The following THAP9 variants were observed in gnomAD, a reference collection of about 807,000 sequenced individuals.
THAP9 encodes the protein THAP domain containing 9.
A neutral mutation model predicts 35.7 loss-of-function variants in THAP9; 20 were observed. The ratio of observed to expected loss-of-function variants is 0.56; its 90% CI spans 0.39 to 0.81. The LOEUF is 0.81. Ranked by LOEUF, THAP9 falls within the 40% of genes least tolerant of loss-of-function variation. The probability of loss-of-function intolerance (pLI) is 0.00; values close to 1 mark genes in which losing one functional copy is unlikely to be tolerated. For missense variants in THAP9, 870 were observed against 1,047.4 expected, an observed-to-expected ratio of 0.83 and a Z score of 2.34; for synonymous variants, 335 against 373.7, an observed-to-expected ratio of 0.90 and a Z score of 1.19.
chr4:82,905,072 AT>A (rs1029242516), intron 2 of THAP9, 141 bp downstream of exon 2: 72 of 656,142 alleles, frequency 1.1e-4, no homozygotes, highest in African/African-American at 8.9e-4. Context: ...TGCTTTGAAA[AT>A]TTAAAAAAAA....
intron 1 of THAP9, among the ~76,000 whole-genome samples, chr4:82,903,959 A>G (rs1189273239): frequency 1.3e-5 from 2 of 151,610 alleles, no homozygotes; most frequent in Non-Finnish European, 2.9e-5. Flanking sequence ...TTTATGACGT[A>G]GTCTGTGGTC....
At chr4:82,910,915 C>G (rs1308369962) in intron 4 of THAP9, 4 of 217,606 alleles carry the variant, frequency 1.8e-5, no homozygotes, top group Non-Finnish European at 4.0e-5. Context: ...GTAAACCTGG[C>G]TGGAGTGGGA....
In THAP9 at chr4:82,900,743, A is replaced by C; in HGVS notation, c.-60A>C. On this transcript the variant is annotated 5_prime_UTR_variant, in exon 1 of 5. Coordinates refer to ENST00000302236, the MANE Select transcript of THAP9 (RefSeq NM_024672.6). ...CCGCAGAGTCAACGGGCGGAGCTAA[A>C]GTGGTCGTGATTCATGCTGTCGCGG... The C allele has an allele frequency of 1.2e-5, 19 of 1,578,914 alleles. No homozygotes were observed. The highest frequency in any genetic ancestry group is 1.6e-5 in the Non-Finnish European group (18 of 1,149,042).
chr4:82,901,107 G>C (rs1358726864), intron 1 of THAP9: 1 of 699,280 alleles, frequency 1.4e-6, no homozygotes, highest in Non-Finnish European at 2.6e-6. Context: ...TTCTCGCACC[G>C]CCTACCGCTT....
At position 82,917,426 on chromosome 4, in the gene THAP9, C is replaced by T; in HGVS notation, c.1214C>T (p.Ser405Phe). 1.2e-6 allele frequency: 2 copies of T among 1,614,024 alleles called. No individual in the cohort carries two copies. Among genetic ancestry groups the T allele is most frequent in the Non-Finnish European group, 1.7e-6 (2 of 1,179,964 alleles). Residue 405 changes from serine to phenylalanine, a missense_variant, in exon 5 of 5, where the codon TCT (serine) becomes TTT (phenylalanine). Physicochemically the swap from Ser to Phe is radical, Grantham distance 155. This residue lies in a region of THAP9 where 440 missense variants were observed against 501.2 expected (regional missense o/e 0.88). Coordinates refer to ENST00000302236, the MANE Select transcript of THAP9 (RefSeq NM_024672.6). ...MKCTFQHPSS[S>F]SQQIAYFFDS... The stretch of plus-strand genomic sequence containing the variant: ...TGTACATTTCAGCATCCTTCATCTT[C>T]TAGTCAACAGATTGCATACTTCTTT...
At chr4:82,902,925 C>T (rs185047892) in intron 1 of THAP9, among the ~76,000 whole-genome samples, 5 of 152,296 alleles carry the variant, frequency 3.3e-5, no homozygotes, top group African/African-American at 1.2e-4. Context: ...TGTCTAATAC[C>T]ATATAGCTGG....
intron 4 of THAP9, among the ~76,000 whole-genome samples, chr4:82,912,471 AT>A (rs1325955785): frequency 2.0e-5 from 3 of 152,226 alleles, no homozygotes; most frequent in Non-Finnish European, 4.4e-5. Flanking sequence ...CCCAGGCAGA[AT>A]TTTAGGCCAC....
In THAP9 at chr4:82,901,710, A is replaced by AT. The variant is rs34317153; in HGVS notation, c.80+843dup. ...GGTAGGCTATGTATAAAATTCATTG[A>AT]TTTTTTTTTTTTTTTGTTTTCTATT... On this transcript the variant is annotated intron_variant, in intron 1 of 4. Transcript: ENST00000302236. Among the ~76,000 whole-genome samples, 1,215 of 149,040 alleles carry AT rather than the reference A, an allele frequency of 8.2e-3. 15 individuals carry two copies. Among genetic ancestry groups the AT allele is most frequent in the African/African-American group, 0.028 (1,169 of 41,032 alleles).
In THAP9 at chr4:82,908,025, C is replaced by G. The variant is rs1578448287; in HGVS notation, c.731+90C>G. The G allele has an allele frequency of 2.3e-6, 3 of 1,294,470 alleles. No individual in the cohort carries two copies. In the East Asian group the frequency reaches 7.5e-5, roughly 32 times the overall value. The allele number at this position is 1,294,470 out of a possible 1,614,324, so 80.2% of individuals were successfully genotyped here. A position where few individuals can be genotyped will look rare whatever the true frequency, so the allele number is the denominator to read the frequency against. On this transcript the variant is annotated intron_variant, in intron 4 of 4. Coordinates refer to ENST00000302236, the MANE Select transcript of THAP9 (RefSeq NM_024672.6). The stretch of plus-strand genomic sequence containing the variant: ...TGTTAATTACTCTTTAGATGTTAAA[C>G]CATATTATTCTTTTGTTGCATTTTA...
chr4:82,918,860 G>A lies in THAP9; in HGVS notation c.2648G>A (p.Ser883Asn). 1 of 1,612,680 alleles carries A rather than the reference G, an allele frequency of 6.2e-7. No homozygotes were observed. The highest frequency in any genetic ancestry group is 2.2e-5 in the East Asian group (1 of 44,804). Residue 883 changes from serine (S) to asparagine (N), a missense_variant, in exon 5 of 5, where the codon AGT (serine) becomes AAT (asparagine). By Grantham distance (46) the Ser-to-Asn change is conservative (BLOSUM62 1). Coordinates refer to ENST00000302236, the MANE Select transcript of THAP9 (RefSeq NM_024672.6). Reference sequence around the variant, plus strand: ...TCTGTACAGGATTATAAATGTTCAAGTTTTGCTAATACCAGTAGTAAATTC... The same window carrying A: ...TCTGTACAGGATTATAAATGTTCAAATTTTGCTAATACCAGTAGTAAATTC... ...WSSVQDYKCS[S>N]FANTSSKFRH...
Position 82,918,025 on chromosome 4 carries a change from T to TA in THAP9, c.1814dup (p.Tyr605Ter). 6.2e-7 allele frequency: 1 copy of TA among 1,614,062 alleles called. No individual in the cohort carries two copies. ...CATGCCTTTTCCTTATCTTCTGACT[T>TA]ACAAATTCAGTCATGATCATCTGGA... ...KVMPFPYLLT[Y>*]KFSHDHLELF... The change falls in exon 5 of 5, where the codon TAC becomes TAAC. Residue 605 changes from tyrosine to a stop codon, truncating the protein, a stop_gained and frameshift_variant. Transcript: ENST00000302236. LOFTEE classifies it high-confidence loss of function.
intron 4 of THAP9, among the ~76,000 whole-genome samples, chr4:82,916,438 A>C (rs556118497): frequency 1.0e-3 from 159 of 152,326 alleles, no homozygotes; most frequent in Non-Finnish European, 1.9e-3. Context: ...TGAGAAATGC[A>C]CTAAACTCCT....
rs1379892034 is a variant in THAP9 at position 82,904,921 on chromosome 4, C to G, written c.266C>G (p.Ser89Cys). The G allele has an allele frequency of 1.9e-6, 3 of 1,613,954 alleles. No individual in the cohort carries two copies. In the South Asian group the frequency reaches 3.3e-5, roughly 18 times the overall value. ...AAAAAAGGAGCTGTGCCTTCTGTTT[C>G]TCTATACAAGGTATTTAAATGTAGG... ...KLKKGAVPSV[S>C]LYKIPQGVHL... The change falls in exon 2 of 5, where the codon TCT (serine) becomes TGT (cysteine). Residue 89 changes from serine (S) to cysteine (C), a missense_variant. By Grantham distance (112) the Ser-to-Cys change is moderately radical. Around this residue, in one of 3 missense-constraint regions of THAP9, gnomAD observed 440 missense variants for 501.2 expected, o/e 0.88. Transcript: ENST00000302236.
intron 1 of THAP9, among the ~76,000 whole-genome samples, chr4:82,901,399 T>A (rs1323261786): frequency 6.6e-6 from 1 of 152,196 alleles, no homozygotes; most frequent in Admixed American, 6.5e-5. Context: ...AGATCAGTCT[T>A]ATCTGAACTC....
chr4:82,900,960 C>A, intron 1 of THAP9, 78 bp downstream of exon 1: 1 of 1,541,448 alleles, frequency 6.5e-7, no homozygotes, highest in Non-Finnish European at 8.9e-7. Context: ...GGGGCGGGGC[C>A]GGGCCGCACT....
In THAP9 at chr4:82,917,718, A is replaced by G; in HGVS notation, c.1506A>G (p.Gln502=). Residue 502 remains glutamine (Q), a synonymous_variant, in exon 5 of 5, where the codon CAA becomes CAG. Transcript: ENST00000302236. ...YLLSLDLPPF[Q]NCIGTIHFLR... is the part of the protein sequence containing the mutation. ...TATCCTTAGACCTGCCACCTTTTCA[A>G]AACTGTATTGGTACCATCCATTTTT... The G allele has an allele frequency of 1.2e-6, 2 of 1,613,508 alleles. No homozygotes were observed. Among genetic ancestry groups the G allele is most frequent in the Non-Finnish European group, 1.7e-6 (2 of 1,179,762 alleles).
In THAP9 at chr4:82,904,850, T is replaced by C. The variant is rs1485855790; in HGVS notation, c.195T>C (p.His65=). ...CAGGTGCTATACTGTGTTCCAAACA[T>C]TTTCAAGAAAGTGACTTTGAGTCAT... ...PGPGAILCSK[H]FQESDFESYG... Residue 65 remains histidine (H), a synonymous_variant, in exon 2 of 5, where the codon CAT becomes CAC. Coordinates refer to ENST00000302236, the MANE Select transcript of THAP9 (RefSeq NM_024672.6). 6.2e-7 allele frequency: 1 copy of C among 1,613,910 alleles called. No homozygotes were observed. The highest frequency in any genetic ancestry group is 8.5e-7 in the Non-Finnish European group (1 of 1,179,980).
intron 2 of THAP9, among the ~76,000 whole-genome samples, chr4:82,905,194 G>C (rs1720595463): frequency 6.6e-6 from 1 of 152,124 alleles, no homozygotes; most frequent in South Asian, 2.1e-4. Context: ...TCAACTGGTA[G>C]ATATAAATAG....
At chr4:82,911,221 C>G (rs1387335394) in intron 4 of THAP9, among the ~76,000 whole-genome samples, 1 of 152,072 alleles carries the variant, frequency 6.6e-6, no homozygotes, top group East Asian at 1.9e-4. Context: ...TCCATTGAAA[C>G]AGGAAGAAAG....
Sources: allele counts gnomAD v4.1 joint callset (sites outside exome capture counted in the v4.1 genomes callset), GRCh38; gene constraint gnomAD v4.1.1; regional missense constraint gnomAD v4.1.1; transcripts MANE v1.5; gene names NCBI Gene and HGNC (gene_info 2026-07-23, HGNC 2026-07-21).